FGGY: variants seen among roughly 807,000 people sequenced by gnomAD.
The protein encoded by FGGY is FGGY carbohydrate kinase domain-containing protein.
A neutral mutation model predicts 71.3 loss-of-function variants in FGGY; 72 were observed. The observed-to-expected ratio is 1.01, with a 90% CI of 0.84 to 1.23. The LOEUF (loss-of-function observed/expected upper bound fraction) is 1.23. FGGY is among the 50% of genes most tolerant of loss of function. The pLI, the probability that FGGY is intolerant of heterozygous loss-of-function variation, is 0.00. For missense variants in FGGY, 668 were observed against 682.3 expected (o/e 0.98, Z 0.23); for synonymous variants, 251 against 250.3 (o/e 1.00, Z -0.02).
chr1:59,697,687 A>G (rs918611255), intron 14 of FGGY: 8 of 1,303,706 alleles, frequency 6.1e-6, no homozygotes, highest in Non-Finnish European at 8.1e-6. Context: ...GATAGCAGCA[A>G]TGGGAAGCAG....
chr1:59,314,108 G>A (rs990607765), intron 1 of FGGY, among the ~76,000 whole-genome samples: 28 of 151,926 alleles, frequency 1.8e-4, no homozygotes, highest in Admixed American at 3.3e-4. Context: ...TGGGACTATC[G>A]GTGCCTGCCA....
intron 8 of FGGY, among the ~76,000 whole-genome samples, chr1:59,603,016 A>T (rs2153811611): frequency 6.6e-6 from 1 of 152,218 alleles, no homozygotes; most frequent in Non-Finnish European, 1.5e-5. Context: ...AGTTTTTATT[A>T]CTGTTTTTGA....
At chr1:59,531,239 G>C (rs1391625477) in intron 7 of FGGY, among the ~76,000 whole-genome samples, 1 of 152,074 alleles carries the variant, frequency 6.6e-6, no homozygotes, top group Non-Finnish European at 1.5e-5. Context: ...TTTTTATATA[G>C]GTGTGAAGAT....
chr1:59,681,265 A>T (rs528742745), intron 14 of FGGY, among the ~76,000 whole-genome samples: 2 of 152,342 alleles, frequency 1.3e-5, no homozygotes, highest in Admixed American at 1.3e-4. Context: ...GAATTAAAAG[A>T]TACTTAAATG....
intron 8 of FGGY, among the ~76,000 whole-genome samples, chr1:59,599,434 C>G (rs1166715257): frequency 6.6e-6 from 1 of 151,942 alleles, no homozygotes; most frequent in Non-Finnish European, 1.5e-5. Flanking sequence ...GTGGCTCATG[C>G]CTGTAATCCC....
intron 5 of FGGY, among the ~76,000 whole-genome samples, chr1:59,382,939 T>C (rs1325998354): frequency 6.6e-6 from 1 of 152,152 alleles, no homozygotes; most frequent in African/African-American, 2.4e-5. Flanking sequence ...AGGAGAGGGC[T>C]TTTTGAAGTT....
chr1:59,355,134 A>T (rs1460660904), intron 4 of FGGY, among the ~76,000 whole-genome samples: 1 of 152,204 alleles, frequency 6.6e-6, no homozygotes, highest in Non-Finnish European at 1.5e-5. Flanking sequence ...GTGACACAGT[A>T]TGTTTTATGA....
intron 15 of FGGY, among the ~76,000 whole-genome samples, chr1:59,762,185 G>A (rs1013140671): frequency 6.6e-6 from 1 of 151,748 alleles, no homozygotes; most frequent in Non-Finnish European, 1.5e-5. Flanking sequence ...CGCCCCCCGG[G>A]TTCAAGCAAT....
chr1:59,747,438 A>G (rs1350157243), intron 14 of FGGY, among the ~76,000 whole-genome samples: 1 of 152,216 alleles, frequency 6.6e-6, no homozygotes, highest in Non-Finnish European at 1.5e-5. Context: ...TTGCTAGGAA[A>G]ACACTGTGGG....
intron 7 of FGGY, among the ~76,000 whole-genome samples, chr1:59,540,481 A>G (rs1228055522): frequency 6.6e-6 from 1 of 152,198 alleles, no homozygotes; most frequent in Non-Finnish European, 1.5e-5. Context: ...CACAAAGAAA[A>G]TACACCGAAT....
intron 14 of FGGY, among the ~76,000 whole-genome samples, chr1:59,712,076 A>T (rs2097798203): frequency 1.3e-5 from 2 of 152,210 alleles, no homozygotes; most frequent in Non-Finnish European, 2.9e-5. Context: ...CCTAGATACA[A>T]TGGGGATACA....
At chr1:59,471,361 A>G (rs1357584745) in intron 6 of FGGY, among the ~76,000 whole-genome samples, 1 of 152,110 alleles carries the variant, frequency 6.6e-6, no homozygotes, top group African/African-American at 2.4e-5. Context: ...TTCTTCATAA[A>G]TTACACAGTC....
chr1:59,625,448 G>A (rs991142375), intron 9 of FGGY, among the ~76,000 whole-genome samples: 3 of 151,982 alleles, frequency 2.0e-5, no homozygotes, highest in Non-Finnish European at 4.4e-5. Context: ...GACAGGTCTG[G>A]GGCATCTCAA....
chr1:59,424,021 T>C (rs1028120947), intron 5 of FGGY, among the ~76,000 whole-genome samples: 2 of 152,204 alleles, frequency 1.3e-5, no homozygotes, highest in African/African-American at 2.4e-5. Context: ...ACTTACTACA[T>C]AGGCCACTTA....
At chr1:59,718,224 CCAGA>C (rs1166979221) in intron 14 of FGGY, among the ~76,000 whole-genome samples, 1 of 152,158 alleles carries the variant, frequency 6.6e-6, no homozygotes, top group Non-Finnish European at 1.5e-5. Context: ...TAATTCTGAT[CCAGA>C]CATTCTTTCT....
At chr1:59,459,932 A>G (rs1055462322) in intron 6 of FGGY, among the ~76,000 whole-genome samples, 1 of 152,210 alleles carries the variant, frequency 6.6e-6, no homozygotes, top group African/African-American at 2.4e-5. Flanking sequence ...GATTCAGTGT[A>G]TTAGCTTATA....
In FGGY at chr1:59,364,033, G is replaced by A. The variant is rs74085985; in HGVS notation, c.466-14716G>A. 5.3e-3 allele frequency among the ~76,000 whole-genome samples: 810 copies of A among 152,268 alleles called. 6 individuals carry two copies. Among genetic ancestry groups the A allele is most frequent in the African/African-American group, 0.018 (760 of 41,528 alleles). On this transcript the variant is annotated intron_variant, in intron 4 of 15. Transcript: ENST00000303721. ...AATGCCAGTTGAAACAGTAAAGTAC[G>A]CCTGTCCTTTACGGGTTGGAGATGA...
intron 8 of FGGY, among the ~76,000 whole-genome samples, chr1:59,578,522 T>C (rs546608033): frequency 6.6e-6 from 1 of 152,176 alleles, no homozygotes; most frequent in East Asian, 1.9e-4. Flanking sequence ...GCCTGAAATA[T>C]ACTGTAGCTG....
At chr1:59,365,960 C>T (rs757994109) in intron 4 of FGGY, among the ~76,000 whole-genome samples, 7 of 152,176 alleles carry the variant, frequency 4.6e-5, no homozygotes, top group South Asian at 2.1e-4. Context: ...GTGGTGAGGA[C>T]GGCAATCAAA....
Sources: gnomAD v4.1 joint callset for allele counts (sites outside exome capture counted in the v4.1 genomes callset) on GRCh38, gnomAD v4.1.1 for gene constraint, MANE v1.5 for transcripts, NCBI Gene and HGNC (gene_info 2026-07-23, HGNC 2026-07-21) for gene names.